KCTD2: variants seen among roughly 807,000 people sequenced by gnomAD.
The protein encoded by KCTD2 is potassium channel tetramerization domain containing 2.
Under a neutral mutation model 27.9 loss-of-function variants are expected in KCTD2, and 18 were observed. That is an observed-to-expected ratio of 0.64 (90% confidence interval 0.45 to 0.96). The LOEUF (loss-of-function observed/expected upper bound fraction) is 0.96, where lower values mean the gene tolerates loss of function less well. Among genes scored for constraint, KCTD2 ranks in the 40% least tolerant of loss-of-function variants. KCTD2 has a pLI of 0.00. For missense variants in KCTD2, 280 were observed against 348.0 expected, an observed-to-expected ratio of 0.80 and a Z score of 1.56; for synonymous variants, 175 against 148.4, an observed-to-expected ratio of 1.18 and a Z score of -1.30.
At chr17:75,046,397 C>T (rs1050731630), upstream of KCTD2, among the ~76,000 whole-genome samples, 2 of 152,086 alleles carry the variant, frequency 1.3e-5, no homozygotes, top group Non-Finnish European at 1.5e-5. Context: ...TTTTTTAATT[C>T]TTAAAAATCT....
chr17:75,047,353 C>G lies in KCTD2; in HGVS notation c.103C>G (p.Arg35Gly), dbSNP rs1040790180. 1 of 1,142,212 alleles carries G rather than the reference C, an allele frequency of 8.8e-7. No homozygotes were observed. Among genetic ancestry groups the G allele is most frequent in the East Asian group, 4.3e-5 (1 of 23,150 alleles). The allele number at this position is 1,142,212 out of a possible 1,614,324, so 70.8% of individuals were successfully genotyped here. The change falls in exon 1 of 6, where the codon CGC (arginine) becomes GGC (glycine). Residue 35 changes from arginine to glycine, a missense_variant. Transcript: ENST00000322444. Reference sequence around the variant, plus strand: ...CCCAGTCCGCGGGCCCCCCAGCCCACGCCCGGCTGGCCCCACGCCCCGCGG... The same window carrying G: ...CCCAGTCCGCGGGCCCCCCAGCCCAGGCCCGGCTGGCCCCACGCCCCGCGG... Reference protein sequence around the residue: ...GGPVRGPPSPRPAGPTPRGHG... With the variant: ...GGPVRGPPSPGPAGPTPRGHG...
chr17:75,039,060 C>T, intron 3 of KCTD2: 1 of 1,613,900 alleles, frequency 6.2e-7, no homozygotes, highest in Non-Finnish European at 8.5e-7. Context: ...TTCATCTTCT[C>T]CATCTGGAAA....
chr17:75,059,484 T>G, intron 3 of KCTD2, 26 bp from the exon 4 acceptor site: 1 of 1,574,606 alleles, frequency 6.4e-7, no homozygotes, highest in Non-Finnish European at 8.7e-7. Context: ...TTGGTGCTGT[T>G]CTCAGTCTGC....
Position 75,063,319 on chromosome 17 carries a change from G to C in KCTD2, c.*272G>C. On this transcript the variant is annotated 3_prime_UTR_variant, in exon 6 of 6. Transcript: ENST00000322444. Reference sequence around the variant, plus strand: ...AGAACAGATCTTTACAACAGCAGCTGGGCTGGGTTCCCAGTCGGAGCCTTT... The same window carrying C: ...AGAACAGATCTTTACAACAGCAGCTCGGCTGGGTTCCCAGTCGGAGCCTTT... 1 of 479,446 alleles carries C rather than the reference G, an allele frequency of 2.1e-6. No homozygotes were observed. The highest frequency in any genetic ancestry group is 3.8e-6 in the Non-Finnish European group (1 of 264,536). The allele number at this position is 479,446 out of a possible 1,614,324, so 29.7% of individuals were successfully genotyped here. A position where few individuals can be genotyped will look rare whatever the true frequency, so the allele number is the denominator to read the frequency against.
upstream of KCTD2, among the ~76,000 whole-genome samples, chr17:75,043,127 A>G (rs2144914372): frequency 6.6e-6 from 1 of 152,340 alleles, no homozygotes; most frequent in African/African-American, 2.4e-5. Context: ...AGGCTGAGGC[A>G]TAAGAATCAC....
At chr17:75,037,587 G>T (rs192735013) in intron 3 of KCTD2, among the ~76,000 whole-genome samples, 1 of 152,218 alleles carries the variant, frequency 6.6e-6, no homozygotes, top group African/African-American at 2.4e-5. Flanking sequence ...GGCATAACAG[G>T]TCCTCTGACT....
At chr17:75,055,389 G>C (rs2073338541) in intron 3 of KCTD2, among the ~76,000 whole-genome samples, 1 of 151,644 alleles carries the variant, frequency 6.6e-6, no homozygotes. Context: ...ATAATGCCTT[G>C]GTCTTTCTAT....
upstream of KCTD2, chr17:75,042,356 T>G (rs976887005): frequency 5.9e-6 from 9 of 1,530,340 alleles, no homozygotes; most frequent in Non-Finnish European, 6.3e-6. Context: ...TATCCCTTCT[T>G]CCTATGGCCT....
At position 75,063,190 on chromosome 17, in the gene KCTD2, AACTAAAGGAACTCCCTCCCCACCTGCAGG is replaced by A. The variant is rs2073422295; in HGVS notation, c.*147_*175del. ...CCCTGTGAAGAAGTGTTCTGGTCAA[AACTAAAGGAACTCCCTCCCCACCTGCAGG>A]ACTCCGAAGACAGTGCGACTTCTGG... On this transcript the variant is annotated 3_prime_UTR_variant, in exon 6 of 6. Coordinates refer to ENST00000322444, the MANE Select transcript of KCTD2 (RefSeq NM_015353.3). 1 of 762,986 alleles carries A rather than the reference AACTAAAGGAACTCCCTCCCCACCTGCAGG, an allele frequency of 1.3e-6. No homozygotes were observed. The highest frequency in any genetic ancestry group is 2.3e-6 in the Non-Finnish European group (1 of 443,182). 47.3% of individuals were successfully genotyped at this position (762,986 alleles called of 1,614,324 possible).
intron 2 of KCTD2, among the ~76,000 whole-genome samples, chr17:75,034,599 A>G (rs1461606179): frequency 6.6e-6 from 1 of 152,148 alleles, no homozygotes; most frequent in Non-Finnish European, 1.5e-5. Flanking sequence ...CAAGCCTGAG[A>G]AGCCATGGGG....
chr17:75,061,871 G>C (rs776697079), intron 4 of KCTD2, among the ~76,000 whole-genome samples: 4 of 152,008 alleles, frequency 2.6e-5, no homozygotes, highest in Non-Finnish European at 4.4e-5. Flanking sequence ...GACGGGGGGG[G>C]ACTTCAGAGC....
upstream of KCTD2, chr17:75,047,184 T>C (rs1267148180): frequency 2.4e-5 from 11 of 457,244 alleles, no homozygotes; most frequent in Non-Finnish European, 3.5e-5. Flanking sequence ...CCGGCCCGGC[T>C]CTCCCTGCCG....
intron 4 of KCTD2, chr17:75,060,691 A>C: frequency 7.6e-7 from 1 of 1,321,756 alleles, no homozygotes; most frequent in Non-Finnish European, 1.0e-6. Context: ...GGCTGCACTC[A>C]GGGTCTCGGT....
chr17:75,033,680 C>G (rs1311626473), intron 1 of KCTD2, among the ~76,000 whole-genome samples: 1 of 152,242 alleles, frequency 6.6e-6, no homozygotes, highest in East Asian at 1.9e-4. Context: ...CCAAGCGGAC[C>G]CTCGGGGCTC....
intron 3 of KCTD2, among the ~76,000 whole-genome samples, chr17:75,055,105 A>G (rs560673698): frequency 2.6e-5 from 4 of 152,074 alleles, no homozygotes; most frequent in Admixed American, 6.6e-5. Flanking sequence ...CCCAGGCAGG[A>G]GTGCAGTGGC....
rs767906344 is a variant in KCTD2 at position 75,049,316 on chromosome 17, T to C, written c.436T>C (p.Leu146=). The change falls in exon 2 of 6, where the codon TTG becomes CTG. Residue 146 remains leucine, a synonymous_variant. Transcript: ENST00000322444. The stretch of plus-strand genomic sequence containing the variant: ...CGGGAAACTCATCATCACTAAGGAG[T>C]TGGCAGAAGAAGGTAAGCGCACTGT... ...RHGKLIITKE[L]AEEGVLEEAE... The C allele has an allele frequency of 6.2e-7, 1 of 1,606,072 alleles. No individual in the cohort carries two copies. The highest frequency in any genetic ancestry group is 2.2e-5 in the East Asian group (1 of 44,850).
chr17:75,060,673 G>A, intron 4 of KCTD2: 1 of 1,463,996 alleles, frequency 6.8e-7, no homozygotes, highest in Non-Finnish European at 9.1e-7. Context: ...GCGTGCGAGG[G>A]CGGGTCAGGC....
intron 3 of KCTD2, among the ~76,000 whole-genome samples, chr17:75,054,056 T>G (rs1412319712): frequency 4.6e-5 from 7 of 151,820 alleles, no homozygotes; most frequent in Non-Finnish European, 1.5e-5. Flanking sequence ...TCACTCCCGT[T>G]GCCCAGGTTG....
Position 75,059,607 on chromosome 17 carries a change from T to C in KCTD2, c.636+2T>C. The C allele has an allele frequency of 6.2e-7, 1 of 1,611,746 alleles. No homozygotes were observed. Among genetic ancestry groups the C allele is most frequent in the Non-Finnish European group, 8.5e-7 (1 of 1,178,000 alleles). ...TCCGACGGCTGGAAATTCGAACAGG[T>C]ACATCTCTTAACAGAGCAGCAATCC... On this transcript the variant is annotated splice_donor_variant, in intron 4 of 5. Coordinates refer to ENST00000322444, the MANE Select transcript of KCTD2 (RefSeq NM_015353.3). LOFTEE classifies it high-confidence loss of function.
Sources: allele counts gnomAD v4.1 joint callset (sites outside exome capture counted in the v4.1 genomes callset), GRCh38; gene constraint gnomAD v4.1.1; transcripts MANE v1.5; gene names NCBI Gene and HGNC (gene_info 2026-07-23, HGNC 2026-07-21).